Variants in ESR1 observed in about 807,000 individuals in gnomAD.
ESR1 encodes the protein estrogen receptor.
A neutral mutation model predicts 52.7 loss-of-function variants in ESR1; 12 were observed. The observed-to-expected ratio is 0.23, with a 90% CI of 0.15 to 0.37. The LOEUF (loss-of-function observed/expected upper bound fraction) is 0.37, where lower values mean the gene tolerates loss of function less well. Among genes scored for constraint, ESR1 ranks in the 10% least tolerant of loss-of-function variants. The probability of loss-of-function intolerance (pLI) is 1.00; values close to 1 mark genes in which losing one functional copy is unlikely to be tolerated. For missense variants in ESR1, 584 were observed against 779.7 expected (o/e 0.75, Z 2.99); for synonymous variants, 305 against 316.8 (o/e 0.96, Z 0.39).
chr6:152,053,421 CCT>C lies in ESR1; in HGVS notation c.1236-7563_1236-7562del, dbSNP rs2046843441. 6.6e-6 allele frequency among the ~76,000 whole-genome samples: 1 copy of C among 151,934 alleles called. No individual in the cohort carries two copies. Among genetic ancestry groups the C allele is most frequent in the Non-Finnish European group, 1.5e-5 (1 of 67,970 alleles). On this transcript the variant is annotated intron_variant, in intron 5 of 7. Coordinates refer to ENST00000206249, the MANE Select transcript of ESR1 (RefSeq NM_000125.4). This position sits in a 1 kb window ranked among gnomAD's most constrained non-coding sequence, Gnocchi z 4.1. The stretch of plus-strand genomic sequence containing the variant: ...TTGCCCCTTCCTCCTTCTGTCTCTC[CCT>C]CTCTCTTTCAATCTTTCTCTCCCTC...
At chr6:151,898,156 T>G (rs939326732) in intron 3 of ESR1, among the ~76,000 whole-genome samples, 3 of 152,192 alleles carry the variant, frequency 2.0e-5, no homozygotes, top group Non-Finnish European at 4.4e-5. Flanking sequence ...TAGATAACCT[T>G]ATGACAATGT....
upstream of ESR1, among the ~76,000 whole-genome samples, chr6:151,688,585 T>C (rs555724356): frequency 1.3e-5 from 2 of 152,102 alleles, no homozygotes; most frequent in East Asian, 3.9e-4. Context: ...CAACCTCTGG[T>C]TGGATAAAAA....
intron 5 of ESR1, among the ~76,000 whole-genome samples, chr6:152,013,827 C>T (rs769074993): frequency 3.3e-5 from 5 of 152,036 alleles, no homozygotes; most frequent in Non-Finnish European, 5.9e-5. Context: ...TACCTCTAGA[C>T]CAGGATTTGT....
intron 4 of ESR1, among the ~76,000 whole-genome samples, chr6:151,972,769 C>T (rs1465970134): frequency 6.6e-6 from 1 of 152,050 alleles, no homozygotes; most frequent in Non-Finnish European, 1.5e-5. Context: ...GGTTGGGTTC[C>T]GCAATAGGCC....
chr6:151,710,797 G>A (rs1344887530), intron 2 of ESR1, among the ~76,000 whole-genome samples: 2 of 151,778 alleles, frequency 1.3e-5, no homozygotes, highest in African/African-American at 2.4e-5. Flanking sequence ...TTATGAGTGT[G>A]GCGTTTGGTT....
intron 2 of ESR1, among the ~76,000 whole-genome samples, chr6:151,765,067 TTTTG>T (rs764011187): frequency 6.6e-6 from 1 of 152,188 alleles, no homozygotes; most frequent in Non-Finnish European, 1.5e-5. Context: ...TAATAATATA[TTTTG>T]TTTGACATAA....
At chr6:151,900,239 C>T (rs1227878793) in intron 3 of ESR1, among the ~76,000 whole-genome samples, 1 of 152,222 alleles carries the variant, frequency 6.6e-6, no homozygotes, top group Non-Finnish European at 1.5e-5. Flanking sequence ...ATTGCTGAGA[C>T]TTTCAAGAAC....
intron 1 of ESR1, among the ~76,000 whole-genome samples, chr6:151,661,126 AAAT>A (rs74545853): frequency 2.1e-5 from 3 of 143,416 alleles, no homozygotes; most frequent in South Asian, 2.3e-4. Flanking sequence ...ACAATTAAAA[AAAT>A]AATGTAATGC....
At chr6:151,802,641 T>G (rs901375586), upstream of ESR1, among the ~76,000 whole-genome samples, 1 of 152,184 alleles carries the variant, frequency 6.6e-6, no homozygotes, top group Admixed American at 6.5e-5. Flanking sequence ...AATTTAAATT[T>G]TGACTTTATG....
At chr6:152,029,838 G>T (rs1776954504) in intron 5 of ESR1, among the ~76,000 whole-genome samples, 1 of 152,136 alleles carries the variant, frequency 6.6e-6, no homozygotes, top group South Asian at 2.1e-4. Flanking sequence ...ACACATAATT[G>T]ACAGATTCAC....
intron 7 of ESR1, among the ~76,000 whole-genome samples, chr6:152,096,115 A>G (rs999988946): frequency 2.6e-5 from 4 of 152,212 alleles, no homozygotes; most frequent in Non-Finnish European, 4.4e-5. Flanking sequence ...GGACCACAAC[A>G]ATGATTCAAA....
chr6:152,094,434 C>T lies in ESR1; in HGVS notation c.1419C>T (p.Asp473=). The change falls in exon 7 of 8, where the codon GAC becomes GAT. Residue 473 remains aspartate (D), a synonymous_variant. Coordinates refer to ENST00000206249, the MANE Select transcript of ESR1 (RefSeq NM_000125.4). This position sits in a 1 kb window ranked among gnomAD's most constrained non-coding sequence, Gnocchi z 4.6. ...SSTLKSLEEK[D]HIHRVLDKIT... ...CCCTGAAGTCTCTGGAAGAGAAGGA[C>T]CATATCCACCGAGTCCTGGACAAGA... 1 of 1,614,156 alleles carries T rather than the reference C, an allele frequency of 6.2e-7. No individual in the cohort carries two copies. The highest frequency in any genetic ancestry group is 8.5e-7 in the Non-Finnish European group (1 of 1,180,000).
chr6:151,736,833 T>G (rs575495970), intron 2 of ESR1, among the ~76,000 whole-genome samples: 1 of 152,242 alleles, frequency 6.6e-6, no homozygotes, highest in Non-Finnish European at 1.5e-5. Context: ...AGCAGCAATG[T>G]AGGCATTTGA....
chr6:152,129,210 GA>G (rs1165963373), exon 7 of ESR1: 6 of 152,220 alleles, frequency 3.9e-5, no homozygotes, highest in African/African-American at 1.4e-4. Flanking sequence ...ACAATGCGGA[GA>G]GCAGATAGAC....
At chr6:151,692,282 A>T (rs140009987) in intron 1 of ESR1, among the ~76,000 whole-genome samples, 1 of 152,182 alleles carries the variant, frequency 6.6e-6, no homozygotes, top group Non-Finnish European at 1.5e-5. Context: ...CAGTGTAAGT[A>T]TTTACATCAG....
chr6:151,744,193 A>G (rs1384952101), intron 2 of ESR1, among the ~76,000 whole-genome samples: 1 of 152,094 alleles, frequency 6.6e-6, no homozygotes, highest in Admixed American at 6.6e-5. Context: ...CTATGTGCAA[A>G]GTTTCTGTAT....
At chr6:151,697,996 G>A (rs1779488385) in intron 1 of ESR1, among the ~76,000 whole-genome samples, 1 of 152,128 alleles carries the variant, frequency 6.6e-6, no homozygotes. Context: ...TACTAGGGAG[G>A]CTGAGGCAAG....
chr6:151,795,873 G>T (rs1027389633), intron 2 of ESR1, among the ~76,000 whole-genome samples: 3 of 152,090 alleles, frequency 2.0e-5, no homozygotes, highest in African/African-American at 7.2e-5. Flanking sequence ...GATGTGGCCG[G>T]GTGCGGTGGC....
At chr6:151,855,794 C>T (rs1787721770) in intron 2 of ESR1, among the ~76,000 whole-genome samples, 1 of 152,044 alleles carries the variant, frequency 6.6e-6, no homozygotes, top group Admixed American at 6.6e-5. Context: ...CAAGAGAAAA[C>T]AGAATGCTCT....
Sources: gnomAD v4.1 joint callset for allele counts (sites outside exome capture counted in the v4.1 genomes callset) on GRCh38, gnomAD v4.1.1 for gene constraint, Gnocchi (gnomAD v3.1) non-coding constraint, MANE v1.5 for transcripts, NCBI Gene and HGNC (gene_info 2026-07-23, HGNC 2026-07-21) for gene names.